TMEM245: variants seen among roughly 807,000 people sequenced by gnomAD.
TMEM245 encodes the protein protein CG-2.
In TMEM245, 69 loss-of-function variants were observed where a neutral mutation model predicts 101.2. That is an observed-to-expected ratio of 0.68 (90% CI 0.56 to 0.83). The LOEUF (loss-of-function observed/expected upper bound fraction) is 0.83, where lower values mean the gene tolerates loss of function less well. TMEM245 is among the 40% of genes least tolerant of loss of function. TMEM245 has a pLI of 0.00. For synonymous variants in TMEM245, 537 were observed against 449.8 expected (o/e 1.19, Z -2.45); for missense variants, 1,075 against 1,092.8 (o/e 0.98, Z 0.23).
At chr9:109,051,591 G>T (rs1227008305) in intron 12 of TMEM245, among the ~76,000 whole-genome samples, 1 of 152,014 alleles carries the variant, frequency 6.6e-6, no homozygotes, top group Non-Finnish European at 1.5e-5. Flanking sequence ...CACAATATAG[G>T]TATCTGTATA....
intron 17 of TMEM245, among the ~76,000 whole-genome samples, chr9:109,025,466 A>G (rs759619433): frequency 5.9e-5 from 9 of 152,196 alleles, no homozygotes; most frequent in Non-Finnish European, 8.8e-5. Flanking sequence ...AAGTTACTCA[A>G]TCTTCCCTAG....
At chr9:109,050,770 TAC>T in intron 12 of TMEM245, 78 bp from the exon 13 acceptor site, 1 of 1,533,452 alleles carries the variant, frequency 6.5e-7, no homozygotes, top group Non-Finnish European at 8.9e-7. Flanking sequence ...GTGCTTTTAA[TAC>T]AGTGTTTTAG....
At chr9:109,058,070 G>A (rs559709271) in intron 11 of TMEM245, among the ~76,000 whole-genome samples, 5 of 148,696 alleles carry the variant, frequency 3.4e-5, no homozygotes, top group South Asian at 2.1e-4. Context: ...GTGCGATTTC[G>A]GCTCACTGCA....
At position 109,087,242 on chromosome 9, in the gene TMEM245, C is replaced by T; in HGVS notation, c.1251G>A (p.Glu417=). 1 of 1,613,938 alleles carries T rather than the reference C, an allele frequency of 6.2e-7. No homozygotes were observed. The highest frequency in any genetic ancestry group is 1.3e-5 in the African/African-American group (1 of 75,024). ...GCCAAGGCGCGAGAGCTCCCTGCCG[C>T]TCCTTCAGGAAGCTTTCTATAATGC... The part of the protein sequence containing the change: ...WWGIIESFLK[E]RQGALAPWPI... The change falls in exon 6 of 18, where the codon GAG becomes GAA. Residue 417 remains glutamate (E), a synonymous_variant. Transcript: ENST00000374586.
At chr9:109,064,865 C>T (rs937843287) in intron 9 of TMEM245, among the ~76,000 whole-genome samples, 1 of 152,158 alleles carries the variant, frequency 6.6e-6, no homozygotes, top group Non-Finnish European at 1.5e-5. Flanking sequence ...CGGTGCAACC[C>T]TGCGACTTCC....
Position 109,019,195 on chromosome 9 carries a change from T to C in TMEM245, c.*1265A>G, listed in dbSNP as rs1564163078. 1 of 152,136 alleles carries C rather than the reference T, an allele frequency of 6.6e-6. No homozygotes were observed. The highest frequency in any genetic ancestry group is 1.5e-5 in the Non-Finnish European group (1 of 68,030). 9.4% of individuals were successfully genotyped at this position (152,136 alleles called of 1,614,324 possible). On this transcript the variant is annotated 3_prime_UTR_variant, in exon 18 of 18. Transcript: ENST00000374586. Reference sequence around the variant, plus strand: ...AGGACAAGTCTTCATTCACAACAAATGGATAGCAACACCAATCTCGTAACA... The same window carrying C: ...AGGACAAGTCTTCATTCACAACAAACGGATAGCAACACCAATCTCGTAACA...
At chr9:109,033,539 G>A in intron 16 of TMEM245, 38 bp from the exon 17 acceptor site, 1 of 1,517,482 alleles carries the variant, frequency 6.6e-7, no homozygotes, top group African/African-American at 1.4e-5. Flanking sequence ...CACAAAAACT[G>A]GAAAAAATCT....
Position 109,038,022 on chromosome 9 carries a change from G to T in TMEM245, c.2219C>A (p.Pro740Gln). ...TMFGINIVFI[P>Q]SALAAILGAV... The stretch of plus-strand genomic sequence containing the variant: ...AGGTACAATATGGTTGTTACCTGAT[G>T]GTATGAAGACAATATTGATGCCAAA... The change falls in exon 15 of 18, where the codon CCA becomes CAA. Residue 740 changes from proline (P) to glutamine (Q), a missense_variant. Coordinates refer to ENST00000374586, the MANE Select transcript of TMEM245 (RefSeq NM_032012.4). 1 of 1,607,184 alleles carries T rather than the reference G, an allele frequency of 6.2e-7. No individual in the cohort carries two copies. Among genetic ancestry groups the T allele is most frequent in the Non-Finnish European group, 8.5e-7 (1 of 1,176,074 alleles).
At chr9:109,109,912 A>AG (rs1488231343) in intron 1 of TMEM245, among the ~76,000 whole-genome samples, 1 of 152,214 alleles carries the variant, frequency 6.6e-6, no homozygotes, top group Non-Finnish European at 1.5e-5. Flanking sequence ...TGGGAGGAAA[A>AG]GAAAATGTAC....
chr9:109,044,831 C>T (rs949798806), intron 14 of TMEM245, among the ~76,000 whole-genome samples: 1 of 150,384 alleles, frequency 6.6e-6, no homozygotes, highest in African/African-American at 2.5e-5. Context: ...ATGACCACAG[C>T]TCACTGCAAC....
chr9:109,079,443 G>C (rs1829606752), intron 8 of TMEM245, among the ~76,000 whole-genome samples: 2 of 151,946 alleles, frequency 1.3e-5, no homozygotes, highest in Admixed American at 6.6e-5. Flanking sequence ...GGAAGGTCTG[G>C]AATTCAGTCT....
chr9:109,050,438 A>G lies in TMEM245; in HGVS notation c.1978-10T>C, dbSNP rs1828639772. 3 of 1,613,710 alleles carry G rather than the reference A, an allele frequency of 1.9e-6. No homozygotes were observed. Among genetic ancestry groups the G allele is most frequent in the African/African-American group, 1.3e-5 (1 of 74,910 alleles). ...TGGTCAGGAAAATTATCTGCAAAAC[A>G]AAGGACAACATCTCCTAAAAAAATC... On this transcript the variant is annotated splice_polypyrimidine_tract_variant and intron_variant, in intron 13 of 17. Transcript: ENST00000374586.
Position 109,060,464 on chromosome 9 carries a change from C to T in TMEM245, c.1624-12G>A. 4 of 1,570,076 alleles carry T rather than the reference C, an allele frequency of 2.5e-6. No homozygotes were observed. Among genetic ancestry groups the T allele is most frequent in the Non-Finnish European group, 3.5e-6 (4 of 1,142,158 alleles). On this transcript the variant is annotated splice_polypyrimidine_tract_variant and intron_variant, in intron 10 of 17. Transcript: ENST00000374586. ...AGAATTTTATGGAGCTAGAAAAAAA[C>T]ACAGATACGACGTGGTACAATATTT...
chr9:109,048,865 G>A (rs912061669), intron 14 of TMEM245, among the ~76,000 whole-genome samples: 1 of 152,154 alleles, frequency 6.6e-6, no homozygotes, highest in African/African-American at 2.4e-5. Flanking sequence ...AAAGTTTCTG[G>A]CCAGAACCTC....
In TMEM245 at chr9:109,020,203, A is replaced by T. The variant is rs1827576692; in HGVS notation, c.*257T>A. On this transcript the variant is annotated 3_prime_UTR_variant, in exon 18 of 18. Coordinates refer to ENST00000374586, the MANE Select transcript of TMEM245 (RefSeq NM_032012.4). ...AGCCAGGGTACCAGTGTATAAAATG[A>T]AACTTTTCAAGCCATCTTAACAACA... is the stretch of plus-strand genomic sequence containing the variant. 2.0e-6 allele frequency: 1 copy of T among 496,726 alleles called. No homozygotes were observed. The highest frequency in any genetic ancestry group is 3.6e-5 in the Admixed American group (1 of 28,020). The allele number at this position is 496,726 out of a possible 1,614,324, so 30.8% of individuals were successfully genotyped here.
chr9:109,105,206 A>G (rs1830379083), intron 3 of TMEM245, among the ~76,000 whole-genome samples: 1 of 152,204 alleles, frequency 6.6e-6, no homozygotes, highest in African/African-American at 2.4e-5. Context: ...TTGAATAGAC[A>G]TTTCTCCAAA....
chr9:109,035,156 CA>C (rs778574292), intron 16 of TMEM245, among the ~76,000 whole-genome samples: 2,065 of 51,310 alleles, frequency 0.04, 6 homozygotes, highest in Non-Finnish European at 0.046. Context: ...GACTCTGTCT[CA>C]AAAAAAAAAA....
chr9:109,053,036 T>A (rs1371645665), intron 12 of TMEM245, among the ~76,000 whole-genome samples: 1 of 152,330 alleles, frequency 6.6e-6, no homozygotes, highest in African/African-American at 2.4e-5. Flanking sequence ...GTTTAATTTA[T>A]ATGTCAGGCT....
At chr9:109,080,361 A>C (rs2132519181) in intron 8 of TMEM245, among the ~76,000 whole-genome samples, 1 of 152,210 alleles carries the variant, frequency 6.6e-6, no homozygotes, top group East Asian at 1.9e-4. Flanking sequence ...TTCTTTGATG[A>C]GATGAAAATG....
Sources: allele counts gnomAD v4.1 joint callset (sites outside exome capture counted in the v4.1 genomes callset), GRCh38; gene constraint gnomAD v4.1.1; transcripts MANE v1.5; gene names NCBI Gene and HGNC (gene_info 2026-07-23, HGNC 2026-07-21).